FAM151B: variants seen among roughly 807,000 people sequenced by gnomAD.
FAM151B encodes the protein protein FAM151B.
In FAM151B, 24 loss-of-function variants were observed where a neutral mutation model predicts 31.2. The observed-to-expected ratio is 0.77, with a 90% confidence interval of 0.56 to 1.08. The LOEUF is 1.08. Among genes scored for constraint, FAM151B ranks in the 50% least tolerant of loss-of-function variants. The pLI, the probability that FAM151B is intolerant of heterozygous loss-of-function variation, is 0.00. For missense variants in FAM151B, 293 were observed against 328.6 expected, an observed-to-expected ratio of 0.89 and a Z score of 0.84; for synonymous variants, 105 against 111.4, an observed-to-expected ratio of 0.94 and a Z score of 0.36.
At chr5:80,489,567 C>A (rs1034122350) in intron 1 of FAM151B, among the ~76,000 whole-genome samples, 1 of 152,176 alleles carries the variant, frequency 6.6e-6, no homozygotes, top group Non-Finnish European at 1.5e-5. Flanking sequence ...TTTACAAAAT[C>A]TTGGAATAAA....
intron 5 of FAM151B, among the ~76,000 whole-genome samples, chr5:80,523,060 C>G (rs754511638): frequency 2.1e-4 from 32 of 152,216 alleles, no homozygotes; most frequent in Non-Finnish European, 3.2e-4. Flanking sequence ...TTGCTTATTC[C>G]TTGCTCCAAA....
chr5:80,538,763 AT>A (rs142999367), intron 5 of FAM151B, among the ~76,000 whole-genome samples: 2 of 150,062 alleles, frequency 1.3e-5, no homozygotes, highest in Admixed American at 6.7e-5. Context: ...TACCCAGCTA[AT>A]TTTTTTTTAT....
intron 5 of FAM151B, among the ~76,000 whole-genome samples, chr5:80,533,962 A>G (rs1043874019): frequency 9.2e-5 from 14 of 152,198 alleles, no homozygotes; most frequent in African/African-American, 3.1e-4. Flanking sequence ...GAGAATTATT[A>G]GTGGCTACTG....
intron 2 of FAM151B, among the ~76,000 whole-genome samples, chr5:80,502,268 T>C (rs1480495800): frequency 6.6e-6 from 1 of 152,122 alleles, no homozygotes; most frequent in Non-Finnish European, 1.5e-5. Flanking sequence ...TGAAAGAATT[T>C]TCTTATTTTC....
intron 2 of FAM151B, among the ~76,000 whole-genome samples, chr5:80,502,445 A>T (rs947460197): frequency 2.6e-5 from 4 of 152,154 alleles, no homozygotes; most frequent in African/African-American, 9.7e-5. Flanking sequence ...TATTTGTTCA[A>T]TGGATGGATG....
At chr5:80,502,890 T>C (rs947560332) in intron 2 of FAM151B, among the ~76,000 whole-genome samples, 3 of 152,240 alleles carry the variant, frequency 2.0e-5, no homozygotes, top group Non-Finnish European at 4.4e-5. Context: ...GTGCGTAGCA[T>C]ATAATAACTA....
intron 5 of FAM151B, among the ~76,000 whole-genome samples, chr5:80,535,443 G>A (rs7723352): frequency 0.11 from 16,416 of 152,078 alleles, 1,423 homozygotes; most frequent in African/African-American, 0.24. Context: ...AGAAACAAAT[G>A]CACACACCTA....
chr5:80,492,460 G>A (rs773052185), intron 1 of FAM151B, among the ~76,000 whole-genome samples: 8 of 152,096 alleles, frequency 5.3e-5, no homozygotes, highest in Non-Finnish European at 1.0e-4. Context: ...CCGGCTTGGC[G>A]AGGATAAAAA....
chr5:80,509,398 C>T (rs765888408), intron 2 of FAM151B, among the ~76,000 whole-genome samples: 5 of 152,136 alleles, frequency 3.3e-5, no homozygotes, highest in African/African-American at 4.8e-5. Context: ...GGTGTTCTCT[C>T]GCTCCGCCTT....
intron 2 of FAM151B, among the ~76,000 whole-genome samples, chr5:80,502,614 C>G (rs1743786887): frequency 6.6e-6 from 1 of 152,138 alleles, no homozygotes; most frequent in African/African-American, 2.4e-5. Context: ...TCAGCCTTTT[C>G]CTATAAAGTG....
chr5:80,491,193 T>C (rs997054734), intron 1 of FAM151B, among the ~76,000 whole-genome samples: 1 of 100,004 alleles, frequency 1.0e-5, no homozygotes, highest in Non-Finnish European at 2.1e-5. Flanking sequence ...GTTCAAAATA[T>C]ATAATACACT....
At chr5:80,507,118 CAAAAAA>C (rs58200677) in intron 2 of FAM151B, among the ~76,000 whole-genome samples, 1 of 112,350 alleles carries the variant, frequency 8.9e-6, no homozygotes. Context: ...GACTCCATCT[CAAAAAA>C]AAAAAAAAAA....
At chr5:80,492,722 G>C (rs1287198363) in intron 1 of FAM151B, among the ~76,000 whole-genome samples, 1 of 152,234 alleles carries the variant, frequency 6.6e-6, no homozygotes, top group Non-Finnish European at 1.5e-5. Flanking sequence ...GGAGGCTGAG[G>C]TGGGAAGATC....
intron 3 of FAM151B, 141 bp from the exon 4 acceptor site, chr5:80,519,552 A>G (rs1744607227): frequency 1.5e-6 from 1 of 685,148 alleles, no homozygotes; most frequent in African/African-American, 1.8e-5. Flanking sequence ...CTCTGGTGCT[A>G]TGCGATCTTT....
At chr5:80,503,436 G>A (rs1194484868) in intron 2 of FAM151B, among the ~76,000 whole-genome samples, 1 of 152,042 alleles carries the variant, frequency 6.6e-6, no homozygotes, top group East Asian at 1.9e-4. Context: ...GGGCATGGTG[G>A]CATGTACCTG....
chr5:80,539,683 G>C (rs1337221648), intron 5 of FAM151B, among the ~76,000 whole-genome samples: 1 of 151,784 alleles, frequency 6.6e-6, no homozygotes, highest in Non-Finnish European at 1.5e-5. Flanking sequence ...GTAGAGACTT[G>C]GTTTCACCGT....
At chr5:80,498,534 T>A (rs758284236) in intron 1 of FAM151B, 3 of 1,036,788 alleles carry the variant, frequency 2.9e-6, no homozygotes, top group Non-Finnish European at 4.4e-6. Flanking sequence ...AGACAATTAC[T>A]TGTCTTCTGG....
At chr5:80,538,556 CCTT>C (rs1745706947) in intron 5 of FAM151B, among the ~76,000 whole-genome samples, 2 of 134,238 alleles carry the variant, frequency 1.5e-5, no homozygotes, top group African/African-American at 5.9e-5. Context: ...TTCCTTCCTT[CCTT>C]CCTTCCTTCC....
intron 2 of FAM151B, among the ~76,000 whole-genome samples, chr5:80,503,105 T>C (rs1198278198): frequency 6.6e-6 from 1 of 152,190 alleles, no homozygotes; most frequent in Non-Finnish European, 1.5e-5. Context: ...AGGGTTCACT[T>C]TAAAAGGGTG....
Sources: allele counts gnomAD v4.1 joint callset (sites outside exome capture counted in the v4.1 genomes callset), GRCh38; gene constraint gnomAD v4.1.1; transcripts MANE v1.5; gene names NCBI Gene and HGNC (gene_info 2026-07-23, HGNC 2026-07-21).